Variants in FRMD4B observed in about 807,000 individuals in gnomAD.
The protein encoded by FRMD4B is FERM domain-containing protein 4B.
Under a neutral mutation model 141.5 loss-of-function variants are expected in FRMD4B, and 74 were observed. That is an observed-to-expected ratio of 0.52 (90% confidence interval 0.43 to 0.63). The LOEUF (loss-of-function observed/expected upper bound fraction) is 0.63. FRMD4B is among the 30% of genes least tolerant of loss of function. The probability of loss-of-function intolerance (pLI) is 0.00; values close to 1 mark genes in which losing one functional copy is unlikely to be tolerated. For synonymous variants in FRMD4B, 506 were observed against 467.9 expected (o/e 1.08, Z -1.05); for missense variants, 1,366 against 1,253.4 (o/e 1.09, Z -1.36).
At chr3:69,469,752 C>T (rs934335611) in intron 1 of FRMD4B, among the ~76,000 whole-genome samples, 10 of 152,300 alleles carry the variant, frequency 6.6e-5, no homozygotes, top group Non-Finnish European at 1.2e-4. Context: ...CAGTATTCTA[C>T]AGCCCAGCTG....
upstream of FRMD4B, among the ~76,000 whole-genome samples, chr3:69,390,925 C>T (rs1184587279): frequency 6.6e-6 from 1 of 152,070 alleles, no homozygotes; most frequent in African/African-American, 2.4e-5. Flanking sequence ...AAAATAAATG[C>T]TACACCCTGT....
chr3:69,203,426 C>T (rs2092991949), intron 11 of FRMD4B, among the ~76,000 whole-genome samples: 1 of 151,090 alleles, frequency 6.6e-6, no homozygotes, highest in Non-Finnish European at 1.5e-5. Flanking sequence ...ATATGTATTT[C>T]AGTAGCTTTG....
At chr3:69,365,115 G>A (rs1703600263) in intron 1 of FRMD4B, among the ~76,000 whole-genome samples, 1 of 152,146 alleles carries the variant, frequency 6.6e-6, no homozygotes, top group Admixed American at 6.5e-5. Context: ...TATGGCACTT[G>A]GGTTTTAACC....
At chr3:69,196,531 C>A in intron 13 of FRMD4B, 135 bp from the exon 14 acceptor site, 1 of 611,384 alleles carries the variant, frequency 1.6e-6, no homozygotes, top group Non-Finnish European at 2.6e-6. Context: ...TGGCATTCTT[C>A]AGACCAAAAA....
rs748380115 is a variant in FRMD4B at position 69,216,275 on chromosome 3, C to T, written c.864G>A (p.Val288=). The T allele has an allele frequency of 4.5e-6, 7 of 1,545,972 alleles. No homozygotes were observed. In the South Asian group the frequency reaches 4.7e-5, roughly 10 times the overall value. The stretch of plus-strand genomic sequence containing the variant: ...GATCCACACTTACCTTCCGAGGCTT[C>T]ACCTTGTCTTGTATATCATATTGGC... ...GIGQYDIQDK[V]KPRKLFQWKQ... is the part of the protein sequence containing the mutation. The change falls in exon 11 of 23, where the codon GTG becomes GTA. Residue 288 remains valine (V), a synonymous_variant. Transcript: ENST00000398540.
In FRMD4B at chr3:69,323,013, C is replaced by T. The variant is rs189311042; in HGVS notation, c.163-9496G>A. Reference sequence around the variant, plus strand: ...GTCGTACCAAAGTAGGACTCCTGTACATCTCTTGCAGGTTCACTGGAAGTG... The same window carrying T: ...GTCGTACCAAAGTAGGACTCCTGTATATCTCTTGCAGGTTCACTGGAAGTG... On this transcript the variant is annotated intron_variant, in intron 1 of 22. Coordinates refer to ENST00000398540, the MANE Select transcript of FRMD4B (RefSeq NM_015123.3). 6.6e-5 allele frequency: 65 copies of T among 977,684 alleles called. No homozygotes were observed. In the East Asian group the frequency reaches 5.9e-3, roughly 89 times the overall value. The allele number at this position is 977,684 out of a possible 1,614,324, so 60.6% of individuals were successfully genotyped here. A position where few individuals can be genotyped will look rare whatever the true frequency, so the allele number is the denominator to read the frequency against.
At chr3:69,473,851 C>T (rs1705935157) in intron 1 of FRMD4B, among the ~76,000 whole-genome samples, 2 of 152,138 alleles carry the variant, frequency 1.3e-5, no homozygotes. Context: ...CCCAGTAAAT[C>T]CAACAAGAGA....
rs1029926811 is a variant in FRMD4B, at chr3:69,170,533, T to C, written c.*1328A>G. ...CATGCTTTGGAATATAGATAGAAAA[T>C]GTTCCAAAAAAGTTGTTCAGAAACT... On this transcript the variant is annotated 3_prime_UTR_variant, in exon 23 of 23. Coordinates refer to ENST00000398540, the MANE Select transcript of FRMD4B (RefSeq NM_015123.3). The C allele has an allele frequency of 7.9e-5, 12 of 152,022 alleles. No individual in the cohort carries two copies. Among genetic ancestry groups the C allele is most frequent in the African/African-American group, 2.9e-4 (12 of 41,388 alleles). 9.4% of individuals were successfully genotyped at this position (152,022 alleles called of 1,614,324 possible).
At chr3:69,197,444 G>C (rs1015667127) in intron 12 of FRMD4B, among the ~76,000 whole-genome samples, 2 of 152,130 alleles carry the variant, frequency 1.3e-5, no homozygotes, top group African/African-American at 4.8e-5. Flanking sequence ...GAGCATTTCA[G>C]ATCTAGGTAG....
intron 4 of FRMD4B, among the ~76,000 whole-genome samples, chr3:69,297,563 C>T (rs1330421121): frequency 2.6e-5 from 4 of 152,150 alleles, no homozygotes; most frequent in African/African-American, 9.7e-5. Context: ...AGGGTGGTAC[C>T]AGCCTGAGGC....
At chr3:69,229,015 G>GTTTTTTTTTTTTTTT (rs58912710) in intron 7 of FRMD4B, among the ~76,000 whole-genome samples, 10 of 121,020 alleles carry the variant, frequency 8.3e-5, no homozygotes, top group Admixed American at 9.4e-5. Flanking sequence ...TCAAAATCAT[G>GTTTTTTTTTTTTTTT]TTTTTTTTTT....
chr3:69,304,304 T>G (rs1701316709), intron 3 of FRMD4B, among the ~76,000 whole-genome samples: 1 of 151,398 alleles, frequency 6.6e-6, no homozygotes, highest in South Asian at 2.1e-4. Context: ...GCCAACATGG[T>G]GAAACCCTGT....
At chr3:69,459,566 G>T (rs1332298782) in intron 1 of FRMD4B, among the ~76,000 whole-genome samples, 1 of 152,102 alleles carries the variant, frequency 6.6e-6, no homozygotes, top group Admixed American at 6.5e-5. Context: ...TTCTATCGAG[G>T]GCATAAAACA....
chr3:69,406,911 ATTTT>A (rs67956877), intron 2 of FRMD4B, among the ~76,000 whole-genome samples: 2 of 135,168 alleles, frequency 1.5e-5, no homozygotes, highest in African/African-American at 2.8e-5. Flanking sequence ...TTTAATTTTA[ATTTT>A]TTTTTTTTTT....
chr3:69,537,088 C>A (rs1701099059), intron 1 of FRMD4B, among the ~76,000 whole-genome samples: 1 of 152,174 alleles, frequency 6.6e-6, no homozygotes, highest in Admixed American at 6.5e-5. Flanking sequence ...TAAATAGATG[C>A]CTAGTCACGG....
chr3:69,310,393 A>G (rs1423089691), intron 3 of FRMD4B: 5 of 446,966 alleles, frequency 1.1e-5, no homozygotes, highest in African/African-American at 2.0e-5. Context: ...TGGCCAACAT[A>G]TTTTATGTCT....
chr3:69,447,012 A>G (rs1705419537), intron 1 of FRMD4B, among the ~76,000 whole-genome samples: 1 of 151,942 alleles, frequency 6.6e-6, no homozygotes, highest in Non-Finnish European at 1.5e-5. Flanking sequence ...AATGCTAGGG[A>G]AATTTTGCTG....
At chr3:69,314,515 G>A (rs1386671296) in intron 1 of FRMD4B, among the ~76,000 whole-genome samples, 4 of 145,334 alleles carry the variant, frequency 2.8e-5, no homozygotes, top group African/African-American at 5.1e-5. Context: ...GTGACACAGC[G>A]AGACTCTGTC....
intron 1 of FRMD4B, among the ~76,000 whole-genome samples, chr3:69,326,049 C>G (rs531331812): frequency 6.6e-6 from 1 of 151,972 alleles, no homozygotes; most frequent in Admixed American, 6.6e-5. Flanking sequence ...CCTGGGCTCA[C>G]GCAATCCTCC....
Sources: allele counts gnomAD v4.1 joint callset (sites outside exome capture counted in the v4.1 genomes callset), GRCh38; gene constraint gnomAD v4.1.1; transcripts MANE v1.5; gene names NCBI Gene and HGNC (gene_info 2026-07-23, HGNC 2026-07-21).